NOL4: variants seen among roughly 807,000 people sequenced by gnomAD.
NOL4 encodes the protein nucleolar protein 4, also known as cancer/testis antigen 125.
NOL4 carries 17 observed loss-of-function variants against 75.9 expected under a neutral mutation model. The observed-to-expected ratio is 0.22, with a 90% CI of 0.15 to 0.34. NOL4 has a LOEUF of 0.34. Ranked by LOEUF, NOL4 falls within the 10% of genes least tolerant of loss-of-function variation. NOL4 has a pLI of 1.00. For missense variants in NOL4, 614 were observed against 793.5 expected, an observed-to-expected ratio of 0.77 and a Z score of 2.72; for synonymous variants, 292 against 289.9, an observed-to-expected ratio of 1.01 and a Z score of -0.07.
chr18:34,094,117 T>C (rs915617719), intron 4 of NOL4, among the ~76,000 whole-genome samples: 1 of 152,130 alleles, frequency 6.6e-6, no homozygotes, highest in Non-Finnish European at 1.5e-5. Context: ...ACTTGTGAAA[T>C]AATATAAAGA....
chr18:34,092,005 G>T (rs1467767603), intron 5 of NOL4, among the ~76,000 whole-genome samples: 1 of 152,012 alleles, frequency 6.6e-6, no homozygotes, highest in Non-Finnish European at 1.5e-5. Flanking sequence ...CAATGAATTT[G>T]CATGATGAGA....
chr18:33,885,077 GA>G (rs2064554389), intron 9 of NOL4, among the ~76,000 whole-genome samples: 1 of 151,548 alleles, frequency 6.6e-6, no homozygotes, highest in Non-Finnish European at 1.5e-5. Context: ...GTAAAAATAA[GA>G]AAAAAATTGA....
At chr18:34,043,832 C>A (rs1024494865) in intron 5 of NOL4, among the ~76,000 whole-genome samples, 1 of 151,998 alleles carries the variant, frequency 6.6e-6, no homozygotes, top group Admixed American at 6.6e-5. Context: ...GGTGCCATCT[C>A]GAAAACATAT....
chr18:33,927,548 CATTATTGACAAAGG>C (rs2067416571), intron 9 of NOL4, among the ~76,000 whole-genome samples: 1 of 152,070 alleles, frequency 6.6e-6, no homozygotes, highest in Non-Finnish European at 1.5e-5. Flanking sequence ...TTTAAAAATA[CATTATTGACAAAGG>C]AAGACGACAC....
intron 5 of NOL4, among the ~76,000 whole-genome samples, chr18:34,062,614 T>C (rs1327440396): frequency 6.6e-6 from 1 of 152,120 alleles, no homozygotes; most frequent in Non-Finnish European, 1.5e-5. Flanking sequence ...TTAATCTGGT[T>C]TGAATGCAGA....
At chr18:34,013,324 T>C (rs2074485976) in intron 6 of NOL4, among the ~76,000 whole-genome samples, 1 of 151,862 alleles carries the variant, frequency 6.6e-6, no homozygotes, top group African/African-American at 2.4e-5. Context: ...ACCACCTTAC[T>C]AAGGCAAGTC....
intron 5 of NOL4, among the ~76,000 whole-genome samples, chr18:34,028,991 T>C (rs913447465): frequency 3.3e-5 from 5 of 152,162 alleles, no homozygotes; most frequent in African/African-American, 1.2e-4. Context: ...TCCTTCCTTT[T>C]TCCATCCTTC....
intron 2 of NOL4, among the ~76,000 whole-genome samples, chr18:34,122,562 C>G (rs57565345): frequency 1.3e-5 from 2 of 152,136 alleles, no homozygotes; most frequent in East Asian, 3.9e-4. Context: ...TATGTTAAAA[C>G]TTTACCTATA....
At chr18:34,023,605 A>G (rs890811589) in intron 5 of NOL4, 1 of 356,634 alleles carries the variant, frequency 2.8e-6, no homozygotes, top group Non-Finnish European at 6.0e-6. Flanking sequence ...ATGAGTCCCA[A>G]GGAAAACAGC....
chr18:33,900,783 G>A (rs1272392129), intron 9 of NOL4, among the ~76,000 whole-genome samples: 2 of 152,152 alleles, frequency 1.3e-5, no homozygotes, highest in Non-Finnish European at 2.9e-5. Flanking sequence ...GCCAGCGAAA[G>A]TACCAAATGT....
At chr18:34,181,739 G>T (rs1329950490) in intron 1 of NOL4, among the ~76,000 whole-genome samples, 3 of 151,300 alleles carry the variant, frequency 2.0e-5, no homozygotes, top group Admixed American at 2.0e-4. Flanking sequence ...ATTGAAGTGG[G>T]CTAAGTGTTT....
At chr18:33,860,042 AG>A (rs1291855491) in intron 10 of NOL4, among the ~76,000 whole-genome samples, 2 of 152,194 alleles carry the variant, frequency 1.3e-5, no homozygotes, top group Non-Finnish European at 2.9e-5. Context: ...GTCATGGCAG[AG>A]GGAAAGCAGG....
chr18:34,093,494 C>A lies in NOL4; in HGVS notation c.743G>T (p.Ser248Ile). 6.2e-7 allele frequency: 1 copy of A among 1,603,228 alleles called. No homozygotes were observed. Among genetic ancestry groups the A allele is most frequent in the Non-Finnish European group, 8.5e-7 (1 of 1,173,638 alleles). The change falls in exon 5 of 11, where the codon AGT becomes ATT. Residue 248 changes from serine (S) to isoleucine (I), a missense_variant. Physicochemically the swap from Ser to Ile is moderately radical, Grantham distance 142. Transcript: ENST00000261592. ...TTGCTGGCCATGAAGATTCTGGGGACTTTGCATTCTTTCTTCAAGATTGGA... is the reference window on the plus strand; with the variant it reads ...TTGCTGGCCATGAAGATTCTGGGGAATTTGCATTCTTTCTTCAAGATTGGA... ...LSSNLEERMQ[S>I]PQNLHGQQDD...
At chr18:34,015,188 C>G (rs1395131407) in intron 6 of NOL4, among the ~76,000 whole-genome samples, 1 of 151,968 alleles carries the variant, frequency 6.6e-6, no homozygotes, top group African/African-American at 2.4e-5. Context: ...TCCTAGAGCA[C>G]TCTACATTTG....
chr18:34,213,626 G>T (rs1464796120), intron 1 of NOL4, among the ~76,000 whole-genome samples: 1 of 152,104 alleles, frequency 6.6e-6, no homozygotes, highest in Admixed American at 6.5e-5. Context: ...GATCTCTGGA[G>T]TGAGTTCCTA....
At chr18:34,107,008 C>G (rs911823163) in intron 2 of NOL4, among the ~76,000 whole-genome samples, 1 of 151,998 alleles carries the variant, frequency 6.6e-6, no homozygotes, top group African/African-American at 2.4e-5. Flanking sequence ...AATTTTTTAT[C>G]TACTTTATAA....
At chr18:34,014,904 C>G (rs905617710) in intron 6 of NOL4, among the ~76,000 whole-genome samples, 5 of 151,952 alleles carry the variant, frequency 3.3e-5, no homozygotes, top group African/African-American at 9.7e-5. Context: ...TTTTTCAATG[C>G]TTTATAATCA....
At chr18:33,932,788 A>T (rs2067787527) in intron 9 of NOL4, among the ~76,000 whole-genome samples, 2 of 152,022 alleles carry the variant, frequency 1.3e-5, no homozygotes. Flanking sequence ...GACCTGGAGA[A>T]ATTTTTTCAA....
chr18:34,120,920 G>C (rs914473828), intron 2 of NOL4, among the ~76,000 whole-genome samples: 1 of 152,134 alleles, frequency 6.6e-6, no homozygotes, highest in African/African-American at 2.4e-5. Flanking sequence ...GCAGAAAATA[G>C]AAAGTGGTTT....
Sources: allele counts gnomAD v4.1 joint callset (sites outside exome capture counted in the v4.1 genomes callset), GRCh38; gene constraint gnomAD v4.1.1; transcripts MANE v1.5; gene names NCBI Gene and HGNC (gene_info 2026-07-23, HGNC 2026-07-21).